The following AUNIP variants were observed in gnomAD, a reference collection of about 807,000 sequenced individuals.
AUNIP encodes the protein aurora kinase A and ninein interacting protein.
A neutral mutation model predicts 12.2 loss-of-function variants in AUNIP; 16 were observed. The observed-to-expected ratio is 1.31, with a 90% confidence interval of 0.88 to 1.99. AUNIP has a LOEUF of 1.99. AUNIP is among the 30% of genes most tolerant of loss of function. The pLI is 0.00. For synonymous variants in AUNIP, 142 were observed against 154.8 expected (o/e 0.92, Z 0.61); for missense variants, 411 against 419.1 (o/e 0.98, Z 0.17).
At chr1:25,832,904 C>CA (rs2048265736), downstream of AUNIP, 1 of 152,508 alleles carries the variant, frequency 6.6e-6, no homozygotes, top group Non-Finnish European at 1.5e-5. Flanking sequence ...GGTTGAAGCA[C>CA]TACCTGACAT....
In AUNIP at chr1:25,847,814, G is replaced by A. The variant is rs949011085; in HGVS notation, c.79-10260C>T. Among the ~76,000 whole-genome samples the A allele has an allele frequency of 8.6e-5, 13 of 151,698 alleles. No homozygotes were observed. Among genetic ancestry groups the A allele is most frequent in the African/African-American group, 2.2e-4 (9 of 41,116 alleles). On this transcript the variant is annotated intron_variant, in intron 1 of 2. Coordinates refer to ENST00000374298, the MANE Select transcript of AUNIP (RefSeq NM_024037.3). The surrounding 1 kb of genome is among the most constrained non-coding windows in gnomAD (Gnocchi z 4.2). ...AAAAAAATTAGCCAGGTACAGTGGCGCATGCCTGTGGTCCCTGCTACTTGG... is the reference window on the plus strand; with the variant it reads ...AAAAAAATTAGCCAGGTACAGTGGCACATGCCTGTGGTCCCTGCTACTTGG...
chr1:25,843,537 A>T (rs1009735919), intron 1 of AUNIP, among the ~76,000 whole-genome samples: 1 of 145,874 alleles, frequency 6.9e-6, no homozygotes, highest in African/African-American at 2.6e-5. Context: ...CTAAAGGATC[A>T]CTTAAGCTCA....
In AUNIP at chr1:25,835,074, ATCC is replaced by A; in HGVS notation, c.990_992del (p.Glu330del). On this transcript the variant is annotated inframe_deletion, in exon 3 of 3. Coordinates refer to ENST00000374298, the MANE Select transcript of AUNIP (RefSeq NM_024037.3). ...CAGGCTTCAGATTTTGAGTTGGCCC[ATCC>A]TCCTGGCACTGAGCCCAAGGACTGT... 1 of 1,614,228 alleles carries A rather than the reference ATCC, an allele frequency of 6.2e-7. No individual in the cohort carries two copies. Among genetic ancestry groups the A allele is most frequent in the Non-Finnish European group, 8.5e-7 (1 of 1,180,036 alleles).
At chr1:25,853,162 A>T (rs1420642860) in intron 1 of AUNIP, among the ~76,000 whole-genome samples, 2 of 152,156 alleles carry the variant, frequency 1.3e-5, no homozygotes, top group African/African-American at 4.8e-5. Flanking sequence ...GTATTGTTCA[A>T]ATCTTTTTTC....
At chr1:25,836,985 G>A (rs1354047578) in intron 2 of AUNIP, among the ~76,000 whole-genome samples, 1 of 152,130 alleles carries the variant, frequency 6.6e-6, no homozygotes, top group Non-Finnish European at 1.5e-5. Flanking sequence ...CTTTATGTGA[G>A]GCTAAGAAAA....
intron 1 of AUNIP, among the ~76,000 whole-genome samples, chr1:25,842,676 G>A (rs923491804): frequency 6.6e-6 from 1 of 152,162 alleles, no homozygotes; most frequent in Non-Finnish European, 1.5e-5. Flanking sequence ...CTCTTGTTAG[G>A]GGCTAATGCA....
At position 25,834,733 on chromosome 1, in the gene AUNIP, C is replaced by T; in HGVS notation, c.*260G>A. On this transcript the variant is annotated 3_prime_UTR_variant, in exon 3 of 3. Transcript: ENST00000374298. Reference sequence around the variant, plus strand: ...GCACTTTCATAGAGATAAATACCCACTGTGCTGCCTCAGTGTTCATCATAG... The same window carrying T: ...GCACTTTCATAGAGATAAATACCCATTGTGCTGCCTCAGTGTTCATCATAG... The T allele has an allele frequency of 2.3e-6, 3 of 1,304,504 alleles. No homozygotes were observed. The highest frequency in any genetic ancestry group is 4.4e-5 in the South Asian group (2 of 45,546). The allele number at this position is 1,304,504 out of a possible 1,614,324, so 80.8% of individuals were successfully genotyped here. A position where few individuals can be genotyped will look rare whatever the true frequency, so the allele number is the denominator to read the frequency against.
chr1:25,851,646 G>A (rs561662400), intron 1 of AUNIP, among the ~76,000 whole-genome samples: 71 of 152,260 alleles, frequency 4.7e-4, no homozygotes, highest in Non-Finnish European at 8.8e-4. Flanking sequence ...AGGCAAGTTT[G>A]GTAGTCTGTG....
chr1:25,834,982 G>A lies in AUNIP; in HGVS notation c.*11C>T, dbSNP rs761954930. The A allele has an allele frequency of 1.9e-6, 3 of 1,595,028 alleles. No homozygotes were observed. The East Asian group carries it at 6.7e-5, about 36-fold the overall frequency. Reference sequence around the variant, plus strand: ...ATTTCAAGGTACTTTTAGAAACAAAGCTTCAAACATTTAGAATTGGTGTCT... The same window carrying A: ...ATTTCAAGGTACTTTTAGAAACAAAACTTCAAACATTTAGAATTGGTGTCT... On this transcript the variant is annotated 3_prime_UTR_variant, in exon 3 of 3. Transcript: ENST00000374298.
chr1:25,834,260 G>C lies in AUNIP; in HGVS notation c.*733C>G, dbSNP rs1298827418. 1.0e-6 allele frequency: 1 copy of C among 985,202 alleles called. No individual in the cohort carries two copies. The highest frequency in any genetic ancestry group is 1.2e-6 in the Non-Finnish European group (1 of 829,910). 61.0% of individuals were successfully genotyped at this position (985,202 alleles called of 1,614,324 possible). On this transcript the variant is annotated 3_prime_UTR_variant, in exon 3 of 3. Transcript: ENST00000374298. Reference sequence around the variant, plus strand: ...AGATTTGCTAATCACTGAAAAAAAAGGGTCAAGAGTAATCATCCCAAGCTT... The same window carrying C: ...AGATTTGCTAATCACTGAAAAAAAACGGTCAAGAGTAATCATCCCAAGCTT...
At position 25,834,830 on chromosome 1, in the gene AUNIP, A is replaced by G; in HGVS notation, c.*163T>C. 1 of 1,455,166 alleles carries G rather than the reference A, an allele frequency of 6.9e-7. No homozygotes were observed. Among genetic ancestry groups the G allele is most frequent in the Non-Finnish European group, 9.0e-7 (1 of 1,110,804 alleles). 90.1% of individuals were successfully genotyped at this position (1,455,166 alleles called of 1,614,324 possible). A position where few individuals can be genotyped will look rare whatever the true frequency, so the allele number is the denominator to read the frequency against. On this transcript the variant is annotated 3_prime_UTR_variant, in exon 3 of 3. Coordinates refer to ENST00000374298, the MANE Select transcript of AUNIP (RefSeq NM_024037.3). ...ATGATGCCAATCCCACTGTCTTAAC[A>G]ATGGTACTGCCCTTTATTTACACAG... is the stretch of plus-strand genomic sequence containing the variant.
At chr1:25,844,080 G>T (rs891531514) in intron 1 of AUNIP, among the ~76,000 whole-genome samples, 3 of 152,180 alleles carry the variant, frequency 2.0e-5, no homozygotes, top group African/African-American at 7.2e-5. Context: ...ATGAAAGGAA[G>T]AGTCATCGAG....
At chr1:25,840,866 A>G (rs2048342983) in intron 1 of AUNIP, among the ~76,000 whole-genome samples, 1 of 152,214 alleles carries the variant, frequency 6.6e-6, no homozygotes, top group South Asian at 2.1e-4. Flanking sequence ...TTGAGTACCT[A>G]TATGCTAGGA....
intron 1 of AUNIP, among the ~76,000 whole-genome samples, chr1:25,841,122 C>A (rs213635): frequency 0.21 from 32,549 of 151,908 alleles, 3,716 homozygotes; most frequent in African/African-American, 0.27. Context: ...GGTCAGAGTG[C>A]GGTCAGAACT....
At chr1:25,842,627 TC>T (rs910311396) in intron 1 of AUNIP, among the ~76,000 whole-genome samples, 13 of 152,210 alleles carry the variant, frequency 8.5e-5, no homozygotes, top group Admixed American at 8.5e-4. Context: ...TACAGAGAAG[TC>T]AATGCCTGGC....
In AUNIP at chr1:25,847,860, G is replaced by A. The variant is rs558473138; in HGVS notation, c.79-10306C>T. ...CTTGGGAGGCTGAGGTGAGAGAATC[G>A]ATTGAGCCCGGGAGGCAGAGGTTGC... On this transcript the variant is annotated intron_variant, in intron 1 of 2. Coordinates refer to ENST00000374298, the MANE Select transcript of AUNIP (RefSeq NM_024037.3). This position sits in a 1 kb window ranked among gnomAD's most constrained non-coding sequence, Gnocchi z 4.2. Among the ~76,000 whole-genome samples, 148 of 152,180 alleles carry A rather than the reference G, an allele frequency of 9.7e-4. 1 individual carries two copies. The highest frequency in any genetic ancestry group is 3.4e-3 in the African/African-American group (141 of 41,534).
chr1:25,837,568 GA>G lies in AUNIP; in HGVS notation c.79-15del, dbSNP rs764725602. ...GATTAAATGTGTCTGAGAAAGGAGA[GA>G]AAAAAGAATAATGAGCCTATTAATA... On this transcript the variant is annotated splice_polypyrimidine_tract_variant and intron_variant, in intron 1 of 2. Coordinates refer to ENST00000374298, the MANE Select transcript of AUNIP (RefSeq NM_024037.3). 4 of 1,605,010 alleles carry G rather than the reference GA, an allele frequency of 2.5e-6. No homozygotes were observed. Among genetic ancestry groups the G allele is most frequent in the Non-Finnish European group, 3.4e-6 (4 of 1,175,920 alleles).
In AUNIP at chr1:25,859,423, A is replaced by C. The variant is rs959250281; in HGVS notation, c.-66T>G. Reference sequence around the variant, plus strand: ...CTCCCGGCGCCTCAGGGAACGCCAGAACCGCGGCCGCCGACGTTCGGATCT... The same window carrying C: ...CTCCCGGCGCCTCAGGGAACGCCAGCACCGCGGCCGCCGACGTTCGGATCT... On this transcript the variant is annotated 5_prime_UTR_variant, in exon 1 of 3. Transcript: ENST00000374298. 2 of 1,387,506 alleles carry C rather than the reference A, an allele frequency of 1.4e-6. No individual in the cohort carries two copies. The highest frequency in any genetic ancestry group is 1.9e-6 in the Non-Finnish European group (2 of 1,065,130). 85.9% of individuals were successfully genotyped at this position (1,387,506 alleles called of 1,614,324 possible). A position where few individuals can be genotyped will look rare whatever the true frequency, so the allele number is the denominator to read the frequency against.
chr1:25,835,616 T>G lies in AUNIP; in HGVS notation c.451A>C (p.Thr151Pro). The change falls in exon 3 of 3, where the codon ACT becomes CCT. Residue 151 changes from threonine (T) to proline (P), a missense_variant. By Grantham distance (38) the Thr-to-Pro change is conservative. Transcript: ENST00000374298. ...TCAGGCTGGAGCAAAGATAGCTCAG[T>G]TGAAAATGGGGTTTTCATTCTGTGG... Reference protein sequence around the residue: ...GHHRMKTPFSTELSLLQPDTP... With the variant: ...GHHRMKTPFSPELSLLQPDTP... 6.2e-7 allele frequency: 1 copy of G among 1,614,238 alleles called. No individual in the cohort carries two copies. Among genetic ancestry groups the G allele is most frequent in the Non-Finnish European group, 8.5e-7 (1 of 1,180,040 alleles).
Sources: allele counts gnomAD v4.1 joint callset (sites outside exome capture counted in the v4.1 genomes callset), GRCh38; gene constraint gnomAD v4.1.1; non-coding constraint Gnocchi (gnomAD v3.1); transcripts MANE v1.5; gene names NCBI Gene and HGNC (gene_info 2026-07-23, HGNC 2026-07-21).